Variants in OPCML observed in about 807,000 individuals in gnomAD.
OPCML encodes the protein opioid-binding protein/cell adhesion molecule.
In OPCML, 13 loss-of-function variants were observed where a neutral mutation model predicts 37.8. The ratio of observed to expected loss-of-function variants is 0.34; its 90% CI spans 0.22 to 0.55. The LOEUF is 0.55. Ranked by LOEUF, OPCML falls within the 20% of genes least tolerant of loss-of-function variation. The probability of loss-of-function intolerance (pLI) is 0.91; values close to 1 mark genes in which losing one functional copy is unlikely to be tolerated. For synonymous variants in OPCML, 176 were observed against 168.8 expected (o/e 1.04, Z -0.33); for missense variants, 341 against 435.6 (o/e 0.78, Z 1.93).
chr11:133,455,721 T>C (rs529698826), intron 1 of OPCML, among the ~76,000 whole-genome samples: 1 of 152,194 alleles, frequency 6.6e-6, no homozygotes, highest in Non-Finnish European at 1.5e-5. Flanking sequence ...TCTACACCCT[T>C]GTTTCCCCAC....
intron 2 of OPCML, chr11:132,773,509 C>G (rs1201777913): frequency 6.6e-6 from 1 of 152,166 alleles, no homozygotes; most frequent in African/African-American, 2.4e-5. Flanking sequence ...TCTGCAGGTT[C>G]CTGGTGAGGC....
At chr11:132,860,492 C>A (rs1942256890) in intron 2 of OPCML, 1 of 152,078 alleles carries the variant, frequency 6.6e-6, no homozygotes, top group Non-Finnish European at 1.5e-5. Context: ...CCTTTGTAGA[C>A]TGGGTAATGT....
chr11:132,850,182 G>A (rs1941740973), intron 2 of OPCML, among the ~76,000 whole-genome samples: 1 of 152,088 alleles, frequency 6.6e-6, no homozygotes, highest in Non-Finnish European at 1.5e-5. Context: ...AAGTCCCTCT[G>A]GGAAACCTCC....
At chr11:133,382,968 C>A (rs1451001657) in intron 1 of OPCML, among the ~76,000 whole-genome samples, 1 of 152,188 alleles carries the variant, frequency 6.6e-6, no homozygotes, top group African/African-American at 2.4e-5. Context: ...AGTAATGGCA[C>A]AGACATGTGG....
intron 2 of OPCML, among the ~76,000 whole-genome samples, chr11:132,885,053 TCTC>T (rs912801271): frequency 1.3e-5 from 2 of 152,180 alleles, no homozygotes; most frequent in Non-Finnish European, 2.9e-5. Context: ...CGCTGTGCCT[TCTC>T]CTCCACTCCC....
Position 133,084,396 on chromosome 11 carries a change from T to C in OPCML, c.62-141386A>G, listed in dbSNP as rs113314088. Among the ~76,000 whole-genome samples, 527 of 152,348 alleles carry C rather than the reference T, an allele frequency of 3.5e-3. 2 individuals carry two copies. The highest frequency in any genetic ancestry group is 0.012 in the African/African-American group (502 of 41,580). On this transcript the variant is annotated intron_variant, in intron 1 of 7. Transcript: ENST00000524381. ...GAAGGTCAATTTTCAAATTCAAGTT[T>C]CGTTGTTTAGTTTCCCAGAAAGAGG...
chr11:133,023,249 C>CT (rs1947486594), intron 1 of OPCML, among the ~76,000 whole-genome samples: 2 of 152,188 alleles, frequency 1.3e-5, no homozygotes, highest in Non-Finnish European at 2.9e-5. Flanking sequence ...CTTAAAATAG[C>CT]TTTGGCTGTC....
chr11:132,768,139 T>C (rs1946518786), intron 2 of OPCML, among the ~76,000 whole-genome samples: 1 of 152,188 alleles, frequency 6.6e-6, no homozygotes, highest in Non-Finnish European at 1.5e-5. Flanking sequence ...GAAACACCAG[T>C]GTACTCAGCT....
At chr11:132,631,608 C>G (rs140299812) in intron 3 of OPCML, among the ~76,000 whole-genome samples, 14,392 of 150,526 alleles carry the variant, frequency 0.096, 760 homozygotes, top group Middle Eastern at 0.17. Flanking sequence ...TACAGGCGCC[C>G]GCCACCACGC....
intron 1 of OPCML, among the ~76,000 whole-genome samples, chr11:133,041,689 A>G (rs77779314): frequency 1.3e-5 from 2 of 152,200 alleles, no homozygotes; most frequent in East Asian, 1.9e-4. Flanking sequence ...AGAATCTTCT[A>G]TCAGCACGAT....
chr11:132,920,854 G>T (rs1348046832), intron 2 of OPCML, among the ~76,000 whole-genome samples: 1 of 152,116 alleles, frequency 6.6e-6, no homozygotes, highest in Non-Finnish European at 1.5e-5. Context: ...TGGCCGGCGG[G>T]AGCCCACCTG....
intron 2 of OPCML, among the ~76,000 whole-genome samples, chr11:132,840,218 G>A (rs1941229268): frequency 6.6e-6 from 1 of 152,174 alleles, no homozygotes; most frequent in Non-Finnish European, 1.5e-5. Context: ...TGTAGGGTTG[G>A]CCTCCCCTGG....
At chr11:132,657,674 A>G (rs954370423) in intron 2 of OPCML, among the ~76,000 whole-genome samples, 8 of 152,156 alleles carry the variant, frequency 5.3e-5, no homozygotes, top group Admixed American at 2.6e-4. Context: ...CCAGGGGCAC[A>G]TGGGAGAGAG....
At chr11:132,673,418 G>A (rs765877734) in intron 2 of OPCML, among the ~76,000 whole-genome samples, 25 of 152,114 alleles carry the variant, frequency 1.6e-4, no homozygotes, top group Admixed American at 4.6e-4. Flanking sequence ...TCCTCAAAAC[G>A]CAAGGGAGAA....
chr11:133,170,007 A>G (rs973311987), intron 1 of OPCML, among the ~76,000 whole-genome samples: 5 of 152,332 alleles, frequency 3.3e-5, no homozygotes, highest in African/African-American at 1.2e-4. Context: ...AAAAAGTTAT[A>G]AAAGGTTGAG....
chr11:133,226,140 T>G (rs930967323), intron 1 of OPCML, among the ~76,000 whole-genome samples: 8 of 152,228 alleles, frequency 5.3e-5, no homozygotes, highest in Admixed American at 2.6e-4. Flanking sequence ...ACTGACTGGA[T>G]GTACCCCAAA....
intron 2 of OPCML, among the ~76,000 whole-genome samples, chr11:132,910,715 T>G (rs777100552): frequency 3.9e-5 from 6 of 152,240 alleles, no homozygotes; most frequent in Non-Finnish European, 8.8e-5. Flanking sequence ...GCTTTAAATA[T>G]AAATATATGC....
At chr11:132,532,231 T>C (rs982790835) in intron 3 of OPCML, among the ~76,000 whole-genome samples, 1 of 152,166 alleles carries the variant, frequency 6.6e-6, no homozygotes, top group Non-Finnish European at 1.5e-5. Context: ...AGATGTTCCC[T>C]CTAAGCCCAG....
At chr11:132,457,003 G>A (rs369085407) in intron 4 of OPCML, among the ~76,000 whole-genome samples, 1 of 152,192 alleles carries the variant, frequency 6.6e-6, no homozygotes, top group Non-Finnish European at 1.5e-5. Context: ...GCTCATGCAT[G>A]GGGGGAGGGA....
Sources: allele counts gnomAD v4.1 joint callset (sites outside exome capture counted in the v4.1 genomes callset), GRCh38; gene constraint gnomAD v4.1.1; transcripts MANE v1.5; gene names NCBI Gene and HGNC (gene_info 2026-07-23, HGNC 2026-07-21).